Variants in EML5 observed in about 807,000 individuals in gnomAD.
The protein encoded by EML5 is EMAP like 5.
EML5 carries 120 observed loss-of-function variants against 250.0 expected under a neutral mutation model. The observed-to-expected ratio is 0.48, with a 90% confidence interval of 0.41 to 0.56. The LOEUF (loss-of-function observed/expected upper bound fraction) is 0.56, where lower values mean the gene tolerates loss of function less well. EML5 is among the 20% of genes least tolerant of loss of function. The pLI is 0.00. For synonymous variants in EML5, 771 were observed against 806.5 expected (o/e 0.96, Z 0.75); for missense variants, 2,006 against 2,437.6 (o/e 0.82, Z 3.73).
At chr14:88,624,157 C>G (rs1355725732) in intron 36 of EML5, 1 of 152,210 alleles carries the variant, frequency 6.6e-6, no homozygotes, top group African/African-American at 2.4e-5. Flanking sequence ...CTCACTAAAG[C>G]CTTGACCTCC....
chr14:88,658,477 A>T, intron 25 of EML5, 89 bp from the exon 26 acceptor site: 1 of 1,060,628 alleles, frequency 9.4e-7, no homozygotes, highest in Non-Finnish European at 1.3e-6. Flanking sequence ...TTAATAATTA[A>T]AAATTAATCA....
At chr14:88,656,999 G>C (rs1473932743) in intron 27 of EML5, among the ~76,000 whole-genome samples, 1 of 151,964 alleles carries the variant, frequency 6.6e-6, no homozygotes, top group African/African-American at 2.4e-5. Context: ...GTTTTTGTGG[G>C]TATTTTTTTT....
chr14:88,617,118 G>A (rs978219174), intron 41 of EML5: 3 of 332,416 alleles, frequency 9.0e-6, no homozygotes, highest in Non-Finnish European at 1.6e-5. Flanking sequence ...GATTAAAGTA[G>A]TACTTTATGA....
Position 88,719,128 on chromosome 14 carries a change from G to A in EML5, c.1188-3933C>T, listed in dbSNP as rs1281743539. Among the ~76,000 whole-genome samples, 5 of 152,216 alleles carry A rather than the reference G, an allele frequency of 3.3e-5. No homozygotes were observed. In the South Asian group the frequency reaches 8.3e-4, roughly 25 times the overall value. ...TGACTAGGCATGGTGGCTCGTGCCT[G>A]TAATCCCAGCACTTTCAGAGGCCAA... On this transcript the variant is annotated intron_variant, in intron 8 of 43. Transcript: ENST00000554922.
At chr14:88,704,466 G>A (rs2139740776) in intron 13 of EML5, among the ~76,000 whole-genome samples, 1 of 152,008 alleles carries the variant, frequency 6.6e-6, no homozygotes, top group East Asian at 1.9e-4. Flanking sequence ...AATGTGAAAT[G>A]GACTAACACA....
Position 88,657,491 on chromosome 14 carries a change from C to T in EML5, c.3889G>A (p.Asp1297Asn). ...CTGATTTCATTCTCCCTTGTAACAT[C>T]ACTGTCATAGCCTACAATAAAAATA... ...DSEEDGGYDSDVTRENEISYT... is the reference protein window; with the variant it reads ...DSEEDGGYDSNVTRENEISYT... The change falls in exon 27 of 44, where the codon GAT becomes AAT. Residue 1297 changes from aspartate to asparagine, a missense_variant. Physicochemically the swap from Asp to Asn is conservative, Grantham distance 23. Coordinates refer to ENST00000554922, the MANE Select transcript of EML5 (RefSeq NM_183387.3). 1 of 1,605,042 alleles carries T rather than the reference C, an allele frequency of 6.2e-7. No homozygotes were observed. Among genetic ancestry groups the T allele is most frequent in the Non-Finnish European group, 8.5e-7 (1 of 1,175,876 alleles).
At chr14:88,660,745 G>GA (rs1157970036) in intron 25 of EML5, among the ~76,000 whole-genome samples, 9 of 74,632 alleles carry the variant, frequency 1.2e-4, no homozygotes, top group African/African-American at 2.9e-4. Flanking sequence ...CCATCTCAGG[G>GA]AAAAAAAAAG....
At chr14:88,638,081 T>C (rs2090842070) in intron 32 of EML5, among the ~76,000 whole-genome samples, 1 of 152,178 alleles carries the variant, frequency 6.6e-6, no homozygotes, top group South Asian at 2.1e-4. Flanking sequence ...AGCTTAGCCA[T>C]CAAGGCCCAA....
At position 88,687,222 on chromosome 14, in the gene EML5, A is replaced by C; in HGVS notation, c.2848T>G (p.Ser950Ala). ...AIKRAALAPG[S>A]KGLLLEDNPS... ...CCACTAAGTCTCAAATCACCTTTAG[A>C]TCCTGGGGCCAATGCAGCTCTTTTT... Residue 950 changes from serine to alanine, a missense_variant, in exon 19 of 44, where the codon TCT becomes GCT. Ser to Ala is a moderately conservative substitution (Grantham distance 99, BLOSUM62 1). Around this residue, in one of 7 missense-constraint regions of EML5, gnomAD observed 1,375 missense variants for 1,590.3 expected, o/e 0.86. Transcript: ENST00000554922. 1 of 1,605,974 alleles carries C rather than the reference A, an allele frequency of 6.2e-7. No homozygotes were observed. The highest frequency in any genetic ancestry group is 8.5e-7 in the Non-Finnish European group (1 of 1,176,850).
chr14:88,656,234 TAGAC>T (rs2091863655), intron 27 of EML5, among the ~76,000 whole-genome samples: 1 of 152,148 alleles, frequency 6.6e-6, no homozygotes, highest in South Asian at 2.1e-4. Flanking sequence ...CCATCAATAA[TAGAC>T]TGGATAAAGA....
intron 43 of EML5, 110 bp downstream of exon 43, chr14:88,616,032 C>T: frequency 7.6e-7 from 1 of 1,316,492 alleles, no homozygotes; most frequent in Non-Finnish European, 1.1e-6. Flanking sequence ...ATACTACCTT[C>T]TACTAATGTT....
chr14:88,792,300 C>G lies in EML5; in HGVS notation c.197+7G>C. 1 of 1,549,862 alleles carries G rather than the reference C, an allele frequency of 6.5e-7. No individual in the cohort carries two copies. The highest frequency in any genetic ancestry group is 8.7e-7 in the Non-Finnish European group (1 of 1,148,980). Reference sequence around the variant, plus strand: ...GGGTGACGGCGGCGGCCCCCGCTCCCCGGTACCTGATGATGTCGTCGCTGT... The same window carrying G: ...GGGTGACGGCGGCGGCCCCCGCTCCGCGGTACCTGATGATGTCGTCGCTGT... On this transcript the variant is annotated splice_region_variant and intron_variant, in intron 1 of 43. Coordinates refer to ENST00000554922, the MANE Select transcript of EML5 (RefSeq NM_183387.3). The surrounding 1 kb of genome is among the most constrained non-coding windows in gnomAD (Gnocchi z 6.9).
At chr14:88,764,030 C>G (rs1051466735) in intron 1 of EML5, among the ~76,000 whole-genome samples, 1 of 152,166 alleles carries the variant, frequency 6.6e-6, no homozygotes, top group Non-Finnish European at 1.5e-5. Context: ...AATTATATAG[C>G]GAATTACACT....
At chr14:88,747,107 T>TA (rs1195889796) in intron 2 of EML5, among the ~76,000 whole-genome samples, 4 of 150,852 alleles carry the variant, frequency 2.7e-5, no homozygotes, top group African/African-American at 9.8e-5. Flanking sequence ...CAAAATAAGC[T>TA]AAACAAACAA....
At chr14:88,682,102 A>G in intron 20 of EML5, 71 bp from the exon 21 acceptor site, 1 of 1,355,460 alleles carries the variant, frequency 7.4e-7, no homozygotes, top group Non-Finnish European at 9.6e-7. Context: ...TTTAGAATAA[A>G]GCTAAAGATA....
chr14:88,660,154 G>A (rs758767267), intron 25 of EML5, among the ~76,000 whole-genome samples: 5 of 151,784 alleles, frequency 3.3e-5, no homozygotes, highest in Non-Finnish European at 5.9e-5. Flanking sequence ...ATGGTGGCAT[G>A]TGCCTGTGGT....
At chr14:88,729,409 C>T (rs1185969396) in intron 7 of EML5, among the ~76,000 whole-genome samples, 2 of 152,034 alleles carry the variant, frequency 1.3e-5, no homozygotes, top group Admixed American at 6.6e-5. Context: ...TATTTTTGTA[C>T]AGTCTGAAAG....
In EML5 at chr14:88,658,298, G is replaced by C. The variant is rs532587737; in HGVS notation, c.3766C>G (p.Leu1256Val). 2.3e-5 allele frequency: 37 copies of C among 1,613,724 alleles called. No homozygotes were observed. The South Asian group carries it at 4.0e-4, about 17-fold the overall frequency. ...WTYDDSMLVT[L>V]GGTDMSLMVW... is the part of the protein sequence containing the mutation. ...ATTAAAGACATATCTGTACCGCCTA[G>C]GGTAACCAACATGCTGTCATCATAA... Residue 1256 changes from leucine (L) to valine (V), a missense_variant, in exon 26 of 44, where the codon CTA becomes GTA. By Grantham distance (32) the Leu-to-Val change is conservative. This residue lies in a region of EML5 where 1,375 missense variants were observed against 1,590.3 expected (regional missense o/e 0.86). Coordinates refer to ENST00000554922, the MANE Select transcript of EML5 (RefSeq NM_183387.3).
chr14:88,756,112 G>C (rs1264407785), intron 1 of EML5, among the ~76,000 whole-genome samples: 1 of 152,108 alleles, frequency 6.6e-6, no homozygotes, highest in Non-Finnish European at 1.5e-5. Flanking sequence ...TTGGGTATTT[G>C]AATGGTTTGG....
Sources: allele counts gnomAD v4.1 joint callset (sites outside exome capture counted in the v4.1 genomes callset), GRCh38; gene constraint gnomAD v4.1.1; regional missense constraint gnomAD v4.1.1; non-coding constraint Gnocchi (gnomAD v3.1); transcripts MANE v1.5; gene names NCBI Gene and HGNC (gene_info 2026-07-23, HGNC 2026-07-21).